The following LRRC47 variants were observed in gnomAD, a reference collection of about 807,000 sequenced individuals.
The protein encoded by LRRC47 is leucine rich repeat containing 47, also known as leucine-rich repeat-containing protein 47.
A neutral mutation model predicts 40.9 loss-of-function variants in LRRC47; 31 were observed. The ratio of observed to expected loss-of-function variants is 0.76; its 90% confidence interval spans 0.57 to 1.02. The LOEUF (loss-of-function observed/expected upper bound fraction) is 1.02, where lower values mean the gene tolerates loss of function less well. LRRC47 is among the 50% of genes least tolerant of loss of function. LRRC47 has a pLI of 0.00. For synonymous variants in LRRC47, 427 were observed against 371.9 expected (o/e 1.15, Z -1.70); for missense variants, 726 against 796.1 (o/e 0.91, Z 1.06).
intron 3 of LRRC47, 133 bp from the exon 4 acceptor site, chr1:3,784,244 C>T: frequency 1.4e-6 from 1 of 737,768 alleles, no homozygotes; most frequent in Non-Finnish European, 2.3e-6. Context: ...AGGCAGGGAG[C>T]ATCCCACGGG....
Position 3,796,288 on chromosome 1 carries a change from C to A in LRRC47, c.189G>T (p.Leu63Phe). The part of the protein sequence containing the change: ...HYLEVSGCGS[L>F]RAPGPGLAQG... ...GCGCCAGGCCAGGCCCCGGCGCGCG[C>A]AAGCTCCCGCAGCCGCTCACTTCCA... is the stretch of plus-strand genomic sequence containing the variant. Residue 63 changes from leucine to phenylalanine, a missense_variant, in exon 1 of 7, where the codon TTG becomes TTT. By Grantham distance (22) the Leu-to-Phe change is conservative. Transcript: ENST00000378251. 1 of 1,481,580 alleles carries A rather than the reference C, an allele frequency of 6.7e-7. No homozygotes were observed. The highest frequency in any genetic ancestry group is 8.9e-7 in the Non-Finnish European group (1 of 1,124,612). The allele number at this position is 1,481,580 out of a possible 1,614,324, so 91.8% of individuals were successfully genotyped here.
chr1:3,784,730 T>A (rs1643555699), intron 3 of LRRC47, among the ~76,000 whole-genome samples: 1 of 152,246 alleles, frequency 6.6e-6, no homozygotes, highest in Non-Finnish European at 1.5e-5. Context: ...GTGCGGTGGC[T>A]TACGCCTGTA....
intron 1 of LRRC47, among the ~76,000 whole-genome samples, chr1:3,794,195 AAAC>A (rs1411694875): frequency 1.3e-5 from 2 of 151,864 alleles, no homozygotes; most frequent in Non-Finnish European, 2.9e-5. Flanking sequence ...ACTCCATCTC[AAAC>A]AACAATAATA....
intron 1 of LRRC47, among the ~76,000 whole-genome samples, chr1:3,790,973 C>T (rs909449314): frequency 5.3e-5 from 8 of 152,200 alleles, no homozygotes; most frequent in Admixed American, 2.6e-4. Context: ...AGTTAACCCA[C>T]GGAACGCAGG....
chr1:3,796,387 C>T lies in LRRC47; in HGVS notation c.90G>A (p.Gly30=), dbSNP rs1255089480. 6.6e-7 allele frequency: 1 copy of T among 1,515,828 alleles called. No homozygotes were observed. Among genetic ancestry groups the T allele is most frequent in the East Asian group, 2.6e-5 (1 of 38,198 alleles). The allele number at this position is 1,515,828 out of a possible 1,614,324, so 93.9% of individuals were successfully genotyped here. ...RRRELLLTGP[G]LEERVRAAGG... is the part of the protein sequence containing the mutation. ...CCGCCGCCCGCACTCGCTCCTCCAG[C>T]CCGGGCCCCGTCAGCAGCAGCTCCC... is the stretch of plus-strand genomic sequence containing the variant. Residue 30 remains glycine (G), a synonymous_variant, in exon 1 of 7, where the codon GGG becomes GGA. Coordinates refer to ENST00000378251, the MANE Select transcript of LRRC47 (RefSeq NM_020710.3).
intron 1 of LRRC47, among the ~76,000 whole-genome samples, chr1:3,787,545 G>A (rs542035091): frequency 2.0e-4 from 30 of 152,196 alleles, no homozygotes; most frequent in Middle Eastern, 6.8e-3. Context: ...CGTCAGCCAC[G>A]GTTAACAGTG....
intron 1 of LRRC47, among the ~76,000 whole-genome samples, chr1:3,790,284 T>G (rs1018121868): frequency 6.6e-6 from 1 of 152,162 alleles, no homozygotes; most frequent in Non-Finnish European, 1.5e-5. Flanking sequence ...CGGCAGCAAC[T>G]GAGAAACTCG....
intron 1 of LRRC47, among the ~76,000 whole-genome samples, chr1:3,787,633 T>TA (rs1192567900): frequency 2.6e-5 from 4 of 152,104 alleles, no homozygotes; most frequent in Admixed American, 6.5e-5. Context: ...ATCATCACGT[T>TA]AGAGAACAGA....
chr1:3,790,659 A>G (rs1330938481), intron 1 of LRRC47, among the ~76,000 whole-genome samples: 3 of 152,226 alleles, frequency 2.0e-5, no homozygotes, highest in African/African-American at 7.2e-5. Flanking sequence ...AGGCCAGGAC[A>G]CTGGGGAAGC....
chr1:3,785,175 T>G lies in LRRC47; in HGVS notation c.1106A>C (p.Lys369Thr), dbSNP rs751371165. 1 of 1,590,056 alleles carries G rather than the reference T, an allele frequency of 6.3e-7. No individual in the cohort carries two copies. The highest frequency in any genetic ancestry group is 8.6e-7 in the Non-Finnish European group (1 of 1,169,324). ...QTKLHEDLCE[K>T]RTAATLATHE... ...GGTGGCAAGGGTGGCAGCCGTCCTC[T>G]TCTCACAGAGATCTTCGTGGAGCTT... Residue 369 changes from lysine to threonine, a missense_variant, in exon 3 of 7, where the codon AAG (lysine) becomes ACG (threonine). Coordinates refer to ENST00000378251, the MANE Select transcript of LRRC47 (RefSeq NM_020710.3).
At chr1:3,781,461 G>C (rs756970750) in intron 6 of LRRC47, 51 bp downstream of exon 6, 13 of 1,580,018 alleles carry the variant, frequency 8.2e-6, no homozygotes, top group Non-Finnish European at 9.6e-6. Flanking sequence ...AAGGAGCAGA[G>C]CACCACTCAC....
At chr1:3,782,185 C>T (rs1158779348) in intron 5 of LRRC47, among the ~76,000 whole-genome samples, 3 of 152,060 alleles carry the variant, frequency 2.0e-5, no homozygotes, top group African/African-American at 7.2e-5. Context: ...GCAGCAGATA[C>T]TTGTGTGTGT....
rs1643545122 is a variant in LRRC47 at position 3,783,875 on chromosome 1, TAAG to T, written c.1310+118_1310+120del. 3 of 749,640 alleles carry T rather than the reference TAAG, an allele frequency of 4.0e-6. No individual in the cohort carries two copies. The East Asian group carries it at 8.2e-5, about 20-fold the overall frequency. The allele number at this position is 749,640 out of a possible 1,614,324, so 46.4% of individuals were successfully genotyped here. A position where few individuals can be genotyped will look rare whatever the true frequency, so the allele number is the denominator to read the frequency against. ...AGAGAATGCTTTCTTTGTACCCTGT[TAAG>T]AAGCTTCTGGGTTCTGGTAGCATTA... is the stretch of plus-strand genomic sequence containing the variant. On this transcript the variant is annotated intron_variant, in intron 4 of 6. Transcript: ENST00000378251.
chr1:3,787,962 G>A (rs908685050), intron 1 of LRRC47, among the ~76,000 whole-genome samples: 3 of 152,196 alleles, frequency 2.0e-5, no homozygotes, highest in Admixed American at 1.3e-4. Context: ...GTGCCACAAA[G>A]ATGCCCAGGA....
At position 3,781,563 on chromosome 1, in the gene LRRC47, T is replaced by C. The variant is rs1458715361; in HGVS notation, c.1452A>G (p.Thr484=). The C allele has an allele frequency of 9.3e-6, 15 of 1,613,960 alleles. No homozygotes were observed. The highest frequency in any genetic ancestry group is 8.3e-5 in the Admixed American group (5 of 60,014). ...TGCAAATCTGCAGACTGGTGGCACT[T>C]GTTACTTCCAAAAACAAATCAGAAG... ...KTTSDLFLEV[T]SATSLQICKD... is the part of the protein sequence containing the mutation. The change falls in exon 6 of 7, where the codon ACA becomes ACG. Residue 484 remains threonine (T), a synonymous_variant. Coordinates refer to ENST00000378251, the MANE Select transcript of LRRC47 (RefSeq NM_020710.3).
At chr1:3,793,388 T>C (rs531968281) in intron 1 of LRRC47, among the ~76,000 whole-genome samples, 1 of 152,298 alleles carries the variant, frequency 6.6e-6, no homozygotes, top group South Asian at 2.1e-4. Flanking sequence ...CCACCGCGCC[T>C]GGCCCTTCAA....
chr1:3,784,193 A>G, intron 3 of LRRC47, 82 bp from the exon 4 acceptor site: 2 of 1,188,046 alleles, frequency 1.7e-6, no homozygotes, highest in Non-Finnish European at 1.2e-6. Context: ...CTTAAGCCTC[A>G]ATGAGCCCTC....
rs560525401 is a variant in LRRC47, at chr1:3,785,912, C to G, written c.1078-709G>C. Among the ~76,000 whole-genome samples, 736 of 151,260 alleles carry G rather than the reference C, an allele frequency of 4.9e-3. 8 individuals are homozygous for G. Among genetic ancestry groups the G allele is most frequent in the Middle Eastern group, 0.01 (3 of 290 alleles). On this transcript the variant is annotated intron_variant, in intron 2 of 6. Coordinates refer to ENST00000378251, the MANE Select transcript of LRRC47 (RefSeq NM_020710.3). Reference sequence around the variant, plus strand: ...TGAGATGGAGTCTTGCTGTGTCACCCAGGCTGGAATGCGGTGGTGCAATCT... The same window carrying G: ...TGAGATGGAGTCTTGCTGTGTCACCGAGGCTGGAATGCGGTGGTGCAATCT...
chr1:3,793,284 G>C (rs1266493317), intron 1 of LRRC47, among the ~76,000 whole-genome samples: 1 of 151,990 alleles, frequency 6.6e-6, no homozygotes, highest in Non-Finnish European at 1.5e-5. Flanking sequence ...GCTAGAGATG[G>C]GTTTCTCCAT....
Sources: gnomAD v4.1 joint callset for allele counts (sites outside exome capture counted in the v4.1 genomes callset) on GRCh38, gnomAD v4.1.1 for gene constraint, MANE v1.5 for transcripts, NCBI Gene and HGNC (gene_info 2026-07-23, HGNC 2026-07-21) for gene names.